The following MSH3 variants were observed in gnomAD, a reference collection of about 807,000 sequenced individuals.
The protein encoded by MSH3 is DNA mismatch repair protein Msh3.
A neutral mutation model predicts 123.3 loss-of-function variants in MSH3; 106 were observed. The observed-to-expected ratio is 0.86, with a 90% CI of 0.73 to 1.01. The LOEUF (loss-of-function observed/expected upper bound fraction) is 1.01. MSH3 is among the 50% of genes least tolerant of loss of function. The pLI, the probability that MSH3 is intolerant of heterozygous loss-of-function variation, is 0.00. For synonymous variants in MSH3, 515 were observed against 481.4 expected (o/e 1.07, Z -0.91); for missense variants, 1,459 against 1,347.6 (o/e 1.08, Z -1.29).
chr5:80,851,778 C>G (rs963016731), intron 20 of MSH3, among the ~76,000 whole-genome samples: 4 of 152,114 alleles, frequency 2.6e-5, no homozygotes, highest in Admixed American at 2.6e-4. Flanking sequence ...TATATAGGGA[C>G]ACATCTTTGT....
intron 17 of MSH3, among the ~76,000 whole-genome samples, chr5:80,785,842 G>A (rs1744496585): frequency 6.6e-6 from 1 of 152,054 alleles, no homozygotes; most frequent in Admixed American, 6.6e-5. Flanking sequence ...TCCTTTGTAG[G>A]GACATGGATG....
chr5:80,721,757 A>G (rs1241250603), intron 8 of MSH3, among the ~76,000 whole-genome samples: 1 of 152,238 alleles, frequency 6.6e-6, no homozygotes, highest in Non-Finnish European at 1.5e-5. Context: ...AACAAAAAAC[A>G]ACAATTATTT....
chr5:80,856,321 T>C (rs1311201428), intron 21 of MSH3, among the ~76,000 whole-genome samples: 2 of 152,034 alleles, frequency 1.3e-5, no homozygotes, highest in African/African-American at 4.8e-5. Context: ...TTTAAAAAAT[T>C]TATTTGCAAA....
chr5:80,752,145 T>C (rs72765582), intron 12 of MSH3, among the ~76,000 whole-genome samples: 6,085 of 151,906 alleles, frequency 0.04, 147 homozygotes, highest in Middle Eastern at 0.058. Flanking sequence ...TTTATATATA[T>C]ATTTAAAAAT....
At chr5:80,678,413 T>C (rs1020601101) in intron 7 of MSH3, among the ~76,000 whole-genome samples, 1 of 152,256 alleles carries the variant, frequency 6.6e-6, no homozygotes, top group Non-Finnish European at 1.5e-5. Flanking sequence ...TGATAAAGTA[T>C]ACATTTTATG....
chr5:80,654,689 C>T lies in MSH3; in HGVS notation c.-39C>T, dbSNP rs1105525. 0.17 allele frequency: 258,616 copies of T among 1,560,524 alleles called. 23,414 individuals carry two copies. The highest frequency in any genetic ancestry group is 0.24 in the South Asian group (21,122 of 87,996). ...ACTGCGGCCGCGGGCTCGCGCTCCT[C>T]GCCAGGCCCTGCCGCCGGGCTGCCA... On this transcript the variant is annotated 5_prime_UTR_variant, in exon 1 of 24. Coordinates refer to ENST00000265081, the MANE Select transcript of MSH3 (RefSeq NM_002439.5).
chr5:80,783,058 TAAA>T (rs1224848392), intron 17 of MSH3, among the ~76,000 whole-genome samples: 3 of 152,226 alleles, frequency 2.0e-5, no homozygotes, highest in Admixed American at 1.3e-4. Flanking sequence ...AATTATATCA[TAAA>T]AAATTATAGA....
Position 80,729,430 on chromosome 5 carries a change from A to ATGTGTGTGTGTGTGTG in MSH3, c.1568+481_1568+496dup, listed in dbSNP as rs71594671. ...CTCCGTCCCAAAAAAAAAAAAAAAA[A>ATGTGTGTGTGTGTGTG]TGTGTGTGTGTGTGTGTGTGTGTGT... On this transcript the variant is annotated intron_variant, in intron 10 of 23. Coordinates refer to ENST00000265081, the MANE Select transcript of MSH3 (RefSeq NM_002439.5). 2.2e-3 allele frequency among the ~76,000 whole-genome samples: 175 copies of ATGTGTGTGTGTGTGTG among 78,300 alleles called. 1 individual carries two copies. The highest frequency in any genetic ancestry group is 7.5e-3 in the African/African-American group (134 of 17,816). 51.4% of individuals were successfully genotyped at this position (78,300 alleles called of 152,430 possible).
chr5:80,750,299 T>C (rs1289580694), intron 12 of MSH3, among the ~76,000 whole-genome samples: 1 of 152,174 alleles, frequency 6.6e-6, no homozygotes, highest in Non-Finnish European at 1.5e-5. Context: ...TTTTTAGTTT[T>C]TTGAGGAACT....
chr5:80,750,184 T>C (rs1371333105), intron 12 of MSH3, among the ~76,000 whole-genome samples: 3 of 151,860 alleles, frequency 2.0e-5, no homozygotes, highest in Non-Finnish European at 2.9e-5. Context: ...TTGTGAATAA[T>C]GTGGCAGTGA....
At chr5:80,704,476 TC>T (rs1172955822) in intron 8 of MSH3, among the ~76,000 whole-genome samples, 1 of 152,194 alleles carries the variant, frequency 6.6e-6, no homozygotes, top group East Asian at 1.9e-4. Context: ...AGCTTCATCT[TC>T]CAGATTTCTC....
intron 8 of MSH3, among the ~76,000 whole-genome samples, chr5:80,706,582 A>G (rs1750728025): frequency 6.6e-6 from 1 of 152,190 alleles, no homozygotes; most frequent in African/African-American, 2.4e-5. Flanking sequence ...ATGTGTTAGG[A>G]TGATTGTGTC....
In MSH3 at chr5:80,700,150, C is replaced by T. The variant is rs532271285; in HGVS notation, c.1340+21057C>T. Among the ~76,000 whole-genome samples the T allele has an allele frequency of 2.2e-4, 34 of 152,180 alleles. No individual in the cohort carries two copies. In the South Asian group the frequency reaches 6.7e-3, roughly 30 times the overall value. On this transcript the variant is annotated intron_variant, in intron 8 of 23. Transcript: ENST00000265081. ...ATCCGAGCACTTTGGGAGGCTGAGG[C>T]GGGTGGATCACTTGAGGTCCGGAGT... is the stretch of plus-strand genomic sequence containing the variant.
chr5:80,662,517 G>C (rs56357417), intron 2 of MSH3, among the ~76,000 whole-genome samples: 2 of 151,760 alleles, frequency 1.3e-5, no homozygotes, highest in Non-Finnish European at 2.9e-5. Context: ...TAAAATATAG[G>C]GACAAATCTC....
At chr5:80,855,308 C>G (rs970045355) in intron 21 of MSH3, among the ~76,000 whole-genome samples, 5 of 151,998 alleles carry the variant, frequency 3.3e-5, no homozygotes, top group African/African-American at 1.2e-4. Flanking sequence ...ATTTCTTTCT[C>G]TCTTCCTTAA....
At chr5:80,800,903 G>A (rs1288650667) in intron 19 of MSH3, among the ~76,000 whole-genome samples, 1 of 152,210 alleles carries the variant, frequency 6.6e-6, no homozygotes, top group East Asian at 1.9e-4. Flanking sequence ...ATGGGCTGAT[G>A]TGATAGAGAA....
At position 80,873,093 on chromosome 5, in the gene MSH3, G is replaced by C. The variant is rs919243567; in HGVS notation, c.3131-23G>C. 1 of 1,606,526 alleles carries C rather than the reference G, an allele frequency of 6.2e-7. No homozygotes were observed. The highest frequency in any genetic ancestry group is 8.5e-7 in the Non-Finnish European group (1 of 1,173,422). On this transcript the variant is annotated intron_variant, in intron 22 of 23. Coordinates refer to ENST00000265081, the MANE Select transcript of MSH3 (RefSeq NM_002439.5). ...TATTTCAGCTTTCAGGCACAGTTTT[G>C]ATCTCCTTTCTTTATTTCACAGGCG...
intron 8 of MSH3, among the ~76,000 whole-genome samples, chr5:80,689,892 TG>T (rs1486591832): frequency 2.6e-5 from 4 of 152,228 alleles, no homozygotes; most frequent in African/African-American, 9.6e-5. Context: ...CTTTCCTGCA[TG>T]ATTTTTTTAA....
At chr5:80,836,997 A>G (rs970357489) in intron 20 of MSH3, among the ~76,000 whole-genome samples, 1 of 152,160 alleles carries the variant, frequency 6.6e-6, no homozygotes, top group Admixed American at 6.6e-5. Context: ...TCATGGTGAC[A>G]TGGGATCCTG....
Sources: allele counts gnomAD v4.1 joint callset (sites outside exome capture counted in the v4.1 genomes callset), GRCh38; gene constraint gnomAD v4.1.1; transcripts MANE v1.5; gene names NCBI Gene and HGNC (gene_info 2026-07-23, HGNC 2026-07-21).